The following XKR4 variants were observed in gnomAD, a reference collection of about 807,000 sequenced individuals.
The protein encoded by XKR4 is XK-related protein 4.
A neutral mutation model predicts 53.9 loss-of-function variants in XKR4; 12 were observed. The observed-to-expected ratio is 0.22, with a 90% CI of 0.14 to 0.36. XKR4 has a LOEUF of 0.36. XKR4 is among the 10% of genes least tolerant of loss of function. XKR4 has a pLI of 1.00. For synonymous variants in XKR4, 354 were observed against 362.4 expected (o/e 0.98, Z 0.26); for missense variants, 799 against 859.5 (o/e 0.93, Z 0.88).
At chr8:55,457,277 G>A (rs1805585307) in intron 2 of XKR4, among the ~76,000 whole-genome samples, 1 of 151,652 alleles carries the variant, frequency 6.6e-6, no homozygotes, top group African/African-American at 2.4e-5. Flanking sequence ...TGAATAGCTG[G>A]GACTACAGGC....
At chr8:55,282,900 A>T (rs187259509) in intron 1 of XKR4, among the ~76,000 whole-genome samples, 1 of 152,322 alleles carries the variant, frequency 6.6e-6, no homozygotes, top group Non-Finnish European at 1.5e-5. Context: ...TTGTCATGGT[A>T]CTATGAATGT....
chr8:55,189,409 C>A (rs543686771), intron 1 of XKR4, among the ~76,000 whole-genome samples: 1 of 152,148 alleles, frequency 6.6e-6, no homozygotes, highest in Non-Finnish European at 1.5e-5. Context: ...CATCGGTAAG[C>A]GGTTTCATCA....
At chr8:55,235,264 T>C (rs998817305) in intron 1 of XKR4, among the ~76,000 whole-genome samples, 1 of 152,188 alleles carries the variant, frequency 6.6e-6, no homozygotes, top group East Asian at 1.9e-4. Flanking sequence ...CCCACCCTGA[T>C]CCAGCGTGAT....
At chr8:55,519,704 T>C (rs975252814) in intron 2 of XKR4, among the ~76,000 whole-genome samples, 4 of 152,240 alleles carry the variant, frequency 2.6e-5, no homozygotes, top group Non-Finnish European at 5.9e-5. Flanking sequence ...TAGTGGATTT[T>C]TTTAAAGTAC....
In XKR4 at chr8:55,539,402, A is replaced by G. The variant is rs1361526865; in HGVS notation, c.*15175A>G. 6.6e-6 allele frequency: 1 copy of G among 152,208 alleles called. No individual in the cohort carries two copies. The highest frequency in any genetic ancestry group is 1.5e-5 in the Non-Finnish European group (1 of 68,034). The allele number at this position is 152,208 out of a possible 1,614,324, so 9.4% of individuals were successfully genotyped here. ...GTTTACCTTGAGAAGTGGGTTTGAA[A>G]TCATCTTGTGCTTGGAGCTGACATA... On this transcript the variant is annotated 3_prime_UTR_variant, in exon 3 of 3. Transcript: ENST00000327381.
In XKR4 at chr8:55,463,207, T is replaced by C. The variant is rs190436007; in HGVS notation, c.1007-60074T>C. ...GCACTACACCACACCTATTCCAAAA[T>C]TGACCACATAGTTGGAAGTAAAGCA... On this transcript the variant is annotated intron_variant, in intron 2 of 2. Transcript: ENST00000327381. Among the ~76,000 whole-genome samples the C allele has an allele frequency of 7.5e-4, 114 of 152,246 alleles. 1 individual carries two copies. The highest frequency in any genetic ancestry group is 1.4e-3 in the Non-Finnish European group (98 of 68,016).
intron 2 of XKR4, among the ~76,000 whole-genome samples, chr8:55,381,223 T>G (rs1158102304): frequency 6.6e-6 from 1 of 152,260 alleles, no homozygotes; most frequent in African/African-American, 2.4e-5. Flanking sequence ...CTTTTATATT[T>G]TACCATTCTA....
chr8:55,291,220 T>C (rs1168770773), intron 1 of XKR4, among the ~76,000 whole-genome samples: 1 of 152,234 alleles, frequency 6.6e-6, no homozygotes, highest in Admixed American at 6.5e-5. Context: ...TTTTCCATTA[T>C]CTCTGTGTCT....
At chr8:55,347,762 A>G (rs1405955271) in intron 1 of XKR4, among the ~76,000 whole-genome samples, 1 of 152,148 alleles carries the variant, frequency 6.6e-6, no homozygotes, top group Non-Finnish European at 1.5e-5. Flanking sequence ...CTCATGGCAT[A>G]TTTCATCCTT....
chr8:55,458,585 C>A (rs911488089), intron 2 of XKR4, among the ~76,000 whole-genome samples: 5 of 152,168 alleles, frequency 3.3e-5, no homozygotes, highest in African/African-American at 1.2e-4. Context: ...ATGGTAAATG[C>A]AGAAGATTTT....
At chr8:55,335,979 T>G (rs545043295) in intron 1 of XKR4, among the ~76,000 whole-genome samples, 1 of 145,466 alleles carries the variant, frequency 6.9e-6, no homozygotes, top group African/African-American at 2.6e-5. Flanking sequence ...ATCTGCATCC[T>G]AACTGCAGTG....
At chr8:55,179,873 A>C (rs1444338035) in intron 1 of XKR4, among the ~76,000 whole-genome samples, 1 of 152,190 alleles carries the variant, frequency 6.6e-6, no homozygotes, top group Non-Finnish European at 1.5e-5. Context: ...AAAATTACAT[A>C]TTTGAATATA....
At chr8:55,416,630 A>T (rs1183716572) in intron 2 of XKR4, among the ~76,000 whole-genome samples, 1 of 152,198 alleles carries the variant, frequency 6.6e-6, no homozygotes, top group Non-Finnish European at 1.5e-5. Context: ...TGGCTGGAGG[A>T]TCACAAGCAG....
chr8:55,168,667 T>C (rs1817104776), intron 1 of XKR4, among the ~76,000 whole-genome samples: 1 of 152,220 alleles, frequency 6.6e-6, no homozygotes, highest in South Asian at 2.1e-4. Context: ...ATCCAATGTA[T>C]CTTCTTCTAT....
rs375950610 is a variant in XKR4 at position 55,340,084 on chromosome 8, T to A, written c.807-17594T>A. ...TACATGCCCATTCTGTATTGATTTA[T>A]TTTGTGATTAAAAACAATTGGCTAG... On this transcript the variant is annotated intron_variant, in intron 1 of 2. Coordinates refer to ENST00000327381, the MANE Select transcript of XKR4 (RefSeq NM_052898.2). Among the ~76,000 whole-genome samples the A allele has an allele frequency of 3.3e-5, 5 of 152,216 alleles. No homozygotes were observed. The East Asian group carries it at 5.8e-4, about 18-fold the overall frequency.
At chr8:55,186,976 C>A (rs991154169) in intron 1 of XKR4, among the ~76,000 whole-genome samples, 5 of 151,666 alleles carry the variant, frequency 3.3e-5, no homozygotes, top group Non-Finnish European at 5.9e-5. Context: ...CTCTTAGTTG[C>A]GCTATTTTTT....
chr8:55,159,166 G>A (rs1023629162), intron 1 of XKR4, among the ~76,000 whole-genome samples: 1 of 152,042 alleles, frequency 6.6e-6, no homozygotes, highest in Non-Finnish European at 1.5e-5. Context: ...GCAGTATTTT[G>A]TATCTCCACA....
intron 1 of XKR4, among the ~76,000 whole-genome samples, chr8:55,113,564 C>G (rs373115749): frequency 1.3e-5 from 2 of 152,238 alleles, no homozygotes; most frequent in East Asian, 3.9e-4. Context: ...ATGAGGTCAA[C>G]TTGATATATA....
intron 2 of XKR4, among the ~76,000 whole-genome samples, chr8:55,448,006 G>C (rs950115518): frequency 2.0e-5 from 3 of 152,212 alleles, no homozygotes; most frequent in African/African-American, 7.2e-5. Flanking sequence ...TCACTCCTGA[G>C]ATTGAGTCAG....
Sources: gnomAD v4.1 joint callset for allele counts (sites outside exome capture counted in the v4.1 genomes callset) on GRCh38, gnomAD v4.1.1 for gene constraint, MANE v1.5 for transcripts, NCBI Gene and HGNC (gene_info 2026-07-23, HGNC 2026-07-21) for gene names.